Variants in FYB2 observed in about 807,000 individuals in gnomAD.
FYB2 encodes the protein FYN binding protein 2.
In FYB2, 103 loss-of-function variants were observed where a neutral mutation model predicts 94.1. The ratio of observed to expected loss-of-function variants is 1.09; its 90% confidence interval spans 0.93 to 1.29. FYB2 has a LOEUF of 1.29. Among genes scored for constraint, FYB2 ranks in the 50% most tolerant of loss-of-function variants. The probability of loss-of-function intolerance (pLI) is 0.00; values close to 1 mark genes in which losing one functional copy is unlikely to be tolerated. For synonymous variants in FYB2, 293 were observed against 287.9 expected (o/e 1.02, Z -0.18); for missense variants, 896 against 841.5 (o/e 1.06, Z -0.80).
Position 56,803,732 on chromosome 1 carries a change from C to T in FYB2, c.10-10929G>A, listed in dbSNP as rs142186974. ...ACCACACAGCTTTATGTTGCAGTCA[C>T]GTAGAACTCCTGGGCTCCCTCTAGT... On this transcript the variant is annotated intron_variant, in intron 1 of 19. Transcript: ENST00000343433. 1.0e-3 allele frequency among the ~76,000 whole-genome samples: 152 copies of T among 152,326 alleles called. 1 individual carries two copies. The highest frequency in any genetic ancestry group is 1.8e-3 in the Non-Finnish European group (122 of 68,028).
chr1:56,783,409 ATT>A (rs1165860514), intron 4 of FYB2, among the ~76,000 whole-genome samples: 1 of 152,188 alleles, frequency 6.6e-6, no homozygotes, highest in Non-Finnish European at 1.5e-5. Context: ...AAAGATGGCT[ATT>A]GTAAGTGTGC....
At chr1:56,725,159 A>G (rs1202033884) in intron 16 of FYB2, among the ~76,000 whole-genome samples, 1 of 152,076 alleles carries the variant, frequency 6.6e-6, no homozygotes, top group Non-Finnish European at 1.5e-5. Flanking sequence ...CATGAACTAA[A>G]TAAACCTCTT....
In FYB2 at chr1:56,766,947, A is replaced by G. The variant is rs559744775; in HGVS notation, c.1063+882T>C. 2.6e-5 allele frequency among the ~76,000 whole-genome samples: 4 copies of G among 152,334 alleles called. No homozygotes were observed. In the East Asian group the frequency reaches 7.7e-4, roughly 29 times the overall value. On this transcript the variant is annotated intron_variant, in intron 5 of 19. Coordinates refer to ENST00000343433, the MANE Select transcript of FYB2 (RefSeq NM_001004303.5). ...AGTAGCATAAACTTGTGGAAAAAGCATAGAATTTAGAGGTAGCCTGAGCCT... is the reference window on the plus strand; with the variant it reads ...AGTAGCATAAACTTGTGGAAAAAGCGTAGAATTTAGAGGTAGCCTGAGCCT...
At chr1:56,747,249 T>C (rs1645088662) in intron 9 of FYB2, among the ~76,000 whole-genome samples, 1 of 151,944 alleles carries the variant, frequency 6.6e-6, no homozygotes, top group Non-Finnish European at 1.5e-5. Flanking sequence ...TCTCACTCTT[T>C]TTTAACTTTT....
At chr1:56,792,870 A>G in intron 1 of FYB2, 67 bp from the exon 2 acceptor site, 1 of 1,466,320 alleles carries the variant, frequency 6.8e-7, no homozygotes, top group East Asian at 2.3e-5. Flanking sequence ...AACAAAAACA[A>G]GTGTCTCATT....
At chr1:56,767,186 T>C (rs1410179516) in intron 5 of FYB2, among the ~76,000 whole-genome samples, 1 of 152,222 alleles carries the variant, frequency 6.6e-6, no homozygotes, top group East Asian at 1.9e-4. Flanking sequence ...GTGCCTTTTA[T>C]AGAGAACTGG....
intron 1 of FYB2, among the ~76,000 whole-genome samples, chr1:56,793,467 G>A (rs1646321825): frequency 6.6e-6 from 1 of 151,966 alleles, no homozygotes; most frequent in Admixed American, 6.6e-5. Context: ...AATGGACAAA[G>A]GACATAAACA....
chr1:56,761,037 G>A (rs758963837), intron 5 of FYB2, among the ~76,000 whole-genome samples: 27 of 152,040 alleles, frequency 1.8e-4, no homozygotes, highest in Non-Finnish European at 3.1e-4. Context: ...TAGTTTTATT[G>A]TGCAGGCAGA....
At chr1:56,820,224 CT>C (rs1364610654), upstream of FYB2, among the ~76,000 whole-genome samples, 2 of 82,572 alleles carry the variant, frequency 2.4e-5, no homozygotes, top group East Asian at 2.5e-4. Flanking sequence ...GAGACTCCGT[CT>C]CAAAAAAAAA....
At chr1:56,730,364 C>T (rs1174432471) in intron 15 of FYB2, among the ~76,000 whole-genome samples, 14 of 85,140 alleles carry the variant, frequency 1.6e-4, no homozygotes, top group Middle Eastern at 0.011. Flanking sequence ...GAAAGGTAAA[C>T]GGGAGGAGAG....
At chr1:56,727,135 C>G (rs1471787700) in intron 15 of FYB2, among the ~76,000 whole-genome samples, 1 of 152,056 alleles carries the variant, frequency 6.6e-6, no homozygotes, top group Non-Finnish European at 1.5e-5. Context: ...TGCTAAGCAT[C>G]TTACATATGT....
Position 56,740,697 on chromosome 1 carries a change from C to A in FYB2, c.1703G>T (p.Ser568Ile). ...AAAGGGATTTAAAGGGACTTTTTAC[C>A]TTAAGTTTTCTTTCGACTTGGTTTT... ...IKKTKSKENL[S>I]AFSILLPDLE... is the part of the protein sequence containing the mutation. Residue 568 changes from serine to isoleucine, a missense_variant and splice_region_variant, in exon 13 of 20, where the codon AGT (serine) becomes ATT (isoleucine). Coordinates refer to ENST00000343433, the MANE Select transcript of FYB2 (RefSeq NM_001004303.5). 6.4e-7 allele frequency: 1 copy of A among 1,572,260 alleles called. No homozygotes were observed. Among genetic ancestry groups the A allele is most frequent in the South Asian group, 1.1e-5 (1 of 88,576 alleles).
intron 1 of FYB2, among the ~76,000 whole-genome samples, chr1:56,804,087 C>T (rs946686010): frequency 2.0e-5 from 3 of 152,182 alleles, no homozygotes; most frequent in Non-Finnish European, 4.4e-5. Flanking sequence ...GTCCAAGGAA[C>T]GGATTTGAAA....
rs74759762 is a variant in FYB2, at chr1:56,795,360, C to T, written c.10-2557G>A. 1.1e-3 allele frequency among the ~76,000 whole-genome samples: 174 copies of T among 152,186 alleles called. 2 individuals carry two copies. In the East Asian group the frequency reaches 0.027, roughly 24 times the overall value. On this transcript the variant is annotated intron_variant, in intron 1 of 19. Coordinates refer to ENST00000343433, the MANE Select transcript of FYB2 (RefSeq NM_001004303.5). ...ATATCATAGTGTATATATAACACATCCTGTTTATCCATTCATCCGTCAATG... is the reference window on the plus strand; with the variant it reads ...ATATCATAGTGTATATATAACACATTCTGTTTATCCATTCATCCGTCAATG...
upstream of FYB2, among the ~76,000 whole-genome samples, chr1:56,822,338 A>G (rs774992651): frequency 2.0e-5 from 3 of 152,242 alleles, no homozygotes; most frequent in Non-Finnish European, 2.9e-5. Flanking sequence ...ATACAGAATC[A>G]TAAACTCACA....
chr1:56,760,630 A>G (rs760899867), intron 5 of FYB2, among the ~76,000 whole-genome samples: 2 of 152,110 alleles, frequency 1.3e-5, no homozygotes, highest in Non-Finnish European at 2.9e-5. Flanking sequence ...TTACTTGTCT[A>G]TGCTTTTCAA....
chr1:56,751,421 C>T (rs1645196132), intron 8 of FYB2, among the ~76,000 whole-genome samples: 2 of 152,006 alleles, frequency 1.3e-5, no homozygotes. Flanking sequence ...ACAGAGGCAG[C>T]TCACAGGAAG....
At chr1:56,746,494 T>TC (rs1310872120) in intron 9 of FYB2, among the ~76,000 whole-genome samples, 2 of 152,056 alleles carry the variant, frequency 1.3e-5, no homozygotes, top group African/African-American at 2.4e-5. Context: ...GTGACCACTG[T>TC]CCTGACTTCT....
chr1:56,790,997 C>T (rs1646249447), intron 2 of FYB2, among the ~76,000 whole-genome samples: 1 of 151,976 alleles, frequency 6.6e-6, no homozygotes, highest in African/African-American at 2.4e-5. Context: ...TGACTATGGG[C>T]AGAGAGCTCG....
Sources: gnomAD v4.1 joint callset for allele counts (sites outside exome capture counted in the v4.1 genomes callset) on GRCh38, gnomAD v4.1.1 for gene constraint, MANE v1.5 for transcripts, NCBI Gene and HGNC (gene_info 2026-07-23, HGNC 2026-07-21) for gene names.